The following KCNIP4 variants were observed in gnomAD, a reference collection of about 807,000 sequenced individuals.
The protein encoded by KCNIP4 is Kv channel-interacting protein 4.
KCNIP4 carries 12 observed loss-of-function variants against 34.0 expected under a neutral mutation model. That is an observed-to-expected ratio of 0.35 (90% CI 0.23 to 0.57). The LOEUF (loss-of-function observed/expected upper bound fraction) is 0.57, where lower values mean the gene tolerates loss of function less well. Ranked by LOEUF, KCNIP4 falls within the 20% of genes least tolerant of loss-of-function variation. The probability of loss-of-function intolerance (pLI) is 0.83; values close to 1 mark genes in which losing one functional copy is unlikely to be tolerated. For missense variants in KCNIP4, 238 were observed against 311.7 expected, an observed-to-expected ratio of 0.76 and a Z score of 1.78; for synonymous variants, 124 against 102.2, an observed-to-expected ratio of 1.21 and a Z score of -1.29.
At chr4:21,522,875 G>T (rs10461101) in intron 1 of KCNIP4, among the ~76,000 whole-genome samples, 9,181 of 152,040 alleles carry the variant, frequency 0.06, 397 homozygotes, top group East Asian at 0.13. Flanking sequence ...ATATATATTT[G>T]CTTATTTTTA....
intron 1 of KCNIP4, among the ~76,000 whole-genome samples, chr4:21,346,164 T>G (rs1363512234): frequency 3.7e-5 from 3 of 80,410 alleles, no homozygotes; most frequent in Non-Finnish European, 7.0e-5. Flanking sequence ...ATATAATATA[T>G]AGAAATCTGT....
chr4:21,757,606 C>T (rs10031539), intron 1 of KCNIP4, among the ~76,000 whole-genome samples: 97,656 of 152,080 alleles, frequency 0.64, 33,236 homozygotes, highest in African/African-American at 0.83. Flanking sequence ...GAGCCAGAGA[C>T]TTGGAATCAA....
At chr4:21,139,845 T>G (rs1751806631) in intron 1 of KCNIP4, among the ~76,000 whole-genome samples, 1 of 152,188 alleles carries the variant, frequency 6.6e-6, no homozygotes, top group Non-Finnish European at 1.5e-5. Flanking sequence ...CCTATGACAC[T>G]ATTTTTAGAA....
intron 1 of KCNIP4, among the ~76,000 whole-genome samples, chr4:21,907,537 T>A (rs1728071917): frequency 6.6e-6 from 1 of 152,192 alleles, no homozygotes; most frequent in Non-Finnish European, 1.5e-5. Flanking sequence ...TATATACGTC[T>A]CTTATGCACA....
chr4:20,925,901 T>C (rs1451789129), intron 1 of KCNIP4, among the ~76,000 whole-genome samples: 1 of 152,180 alleles, frequency 6.6e-6, no homozygotes, highest in Non-Finnish European at 1.5e-5. Flanking sequence ...ACTCACTTAA[T>C]TCTACCAGCA....
At chr4:21,334,300 G>A (rs1180512793) in intron 1 of KCNIP4, among the ~76,000 whole-genome samples, 4 of 151,902 alleles carry the variant, frequency 2.6e-5, no homozygotes, top group African/African-American at 7.3e-5. Context: ...TGATTAAAAT[G>A]CCCACTATGT....
At chr4:21,804,358 T>C (rs1186833097) in intron 1 of KCNIP4, among the ~76,000 whole-genome samples, 1 of 152,240 alleles carries the variant, frequency 6.6e-6, no homozygotes, top group Non-Finnish European at 1.5e-5. Context: ...ATCATGATCA[T>C]ACAGTGACCT....
At chr4:21,544,108 T>C (rs1737937195) in intron 1 of KCNIP4, among the ~76,000 whole-genome samples, 1 of 152,132 alleles carries the variant, frequency 6.6e-6, no homozygotes, top group Admixed American at 6.6e-5. Flanking sequence ...ATTTTCCGGA[T>C]GGTCTTTCCC....
At chr4:20,735,731 T>C (rs1159986243) in intron 5 of KCNIP4, among the ~76,000 whole-genome samples, 2 of 152,130 alleles carry the variant, frequency 1.3e-5, no homozygotes, top group Non-Finnish European at 2.9e-5. Context: ...GAGATGGGGT[T>C]TCACCATGTT....
At chr4:21,455,810 TATA>T (rs1728886931) in intron 1 of KCNIP4, among the ~76,000 whole-genome samples, 1,777 of 67,940 alleles carry the variant, frequency 0.026, 185 homozygotes, top group Non-Finnish European at 0.032. Flanking sequence ...CAGATATTCA[TATA>T]TATATATATA....
At chr4:21,526,114 G>A (rs1236578971) in intron 1 of KCNIP4, among the ~76,000 whole-genome samples, 2 of 152,094 alleles carry the variant, frequency 1.3e-5, no homozygotes, top group East Asian at 3.9e-4. Context: ...ATATGAATAA[G>A]CACCTGATAT....
intron 1 of KCNIP4, among the ~76,000 whole-genome samples, chr4:21,515,214 T>G (rs1469676701): frequency 6.6e-6 from 1 of 152,150 alleles, no homozygotes; most frequent in Non-Finnish European, 1.5e-5. Context: ...GCTCCTGATC[T>G]GGAAAAACTC....
chr4:21,230,613 G>A (rs1253693568), intron 1 of KCNIP4, among the ~76,000 whole-genome samples: 2 of 152,110 alleles, frequency 1.3e-5, no homozygotes, highest in African/African-American at 4.8e-5. Flanking sequence ...ACAACATATG[G>A]TGTTTGGTTT....
At chr4:21,774,303 C>T (rs71607091) in intron 1 of KCNIP4, among the ~76,000 whole-genome samples, 13,933 of 152,058 alleles carry the variant, frequency 0.092, 677 homozygotes, top group Middle Eastern at 0.18. Flanking sequence ...GCTGAGAGGT[C>T]CTCTGTTAGT....
At chr4:21,358,670 G>T (rs1718910788) in intron 1 of KCNIP4, among the ~76,000 whole-genome samples, 1 of 152,016 alleles carries the variant, frequency 6.6e-6, no homozygotes, top group East Asian at 1.9e-4. Context: ...AAATCTTGGG[G>T]CCCCCAAATC....
At chr4:21,658,060 A>G (rs752150368) in intron 1 of KCNIP4, among the ~76,000 whole-genome samples, 6 of 151,948 alleles carry the variant, frequency 3.9e-5, no homozygotes, top group Non-Finnish European at 5.9e-5. Context: ...GGATTGTCTC[A>G]ATCTCCTGAC....
rs79913905 is a variant in KCNIP4 at position 21,233,545 on chromosome 4, A to G, written c.62-350836T>C. On this transcript the variant is annotated intron_variant, in intron 1 of 8. Coordinates refer to ENST00000382152, the MANE Select transcript of KCNIP4 (RefSeq NM_025221.6). ...AGAGAGGCTGAGGCTCAAGGACCAG[A>G]GCCCAGGAGAGGTGGTTAAAAAACC... is the stretch of plus-strand genomic sequence containing the variant. Among the ~76,000 whole-genome samples, 479 of 152,128 alleles carry G rather than the reference A, an allele frequency of 3.1e-3. 5 individuals carry two copies. The highest frequency in any genetic ancestry group is 0.01 in the Middle Eastern group (3 of 294).
chr4:21,695,120 T>A (rs572292013), intron 1 of KCNIP4, among the ~76,000 whole-genome samples: 1 of 152,220 alleles, frequency 6.6e-6, no homozygotes, highest in East Asian at 1.9e-4. Flanking sequence ...GTTTCCTACT[T>A]CTTCATTAAT....
At chr4:21,445,114 G>A (rs1727858588) in intron 1 of KCNIP4, among the ~76,000 whole-genome samples, 1 of 152,164 alleles carries the variant, frequency 6.6e-6, no homozygotes, top group Non-Finnish European at 1.5e-5. Context: ...ACTGCTCAGT[G>A]AAATAAAAGA....
Sources: allele counts gnomAD v4.1 joint callset (sites outside exome capture counted in the v4.1 genomes callset), GRCh38; gene constraint gnomAD v4.1.1; transcripts MANE v1.5; gene names NCBI Gene and HGNC (gene_info 2026-07-23, HGNC 2026-07-21).